MMP26: variants seen among roughly 807,000 people sequenced by gnomAD.
MMP26 encodes the protein matrix metallopeptidase 26.
Under a neutral mutation model 31.0 loss-of-function variants are expected in MMP26, and 33 were observed. That is an observed-to-expected ratio of 1.06 (90% CI 0.81 to 1.42). The LOEUF is 1.42. Ranked by LOEUF, MMP26 falls within the 40% of genes most tolerant of loss-of-function variation. MMP26 has a pLI of 0.00. For missense variants in MMP26, 347 were observed against 316.1 expected (o/e 1.10, Z -0.74); for synonymous variants, 122 against 114.9 (o/e 1.06, Z -0.40).
At chr11:4,824,834 A>G (rs980801882) in intron 2 of MMP26, among the ~76,000 whole-genome samples, 3 of 152,082 alleles carry the variant, frequency 2.0e-5, no homozygotes, top group Admixed American at 6.6e-5. Flanking sequence ...TCATGGATCA[A>G]TGCCTTCATG....
chr11:4,947,866 A>G lies in MMP26; in HGVS notation c.-144-40202A>G, dbSNP rs143273654. ...GAGGTCTTTAATTGCCTGGTATTAGATAGACATGGTAAATTATCTGCAAAA... is the reference window on the plus strand; with the variant it reads ...GAGGTCTTTAATTGCCTGGTATTAGGTAGACATGGTAAATTATCTGCAAAA... On this transcript the variant is annotated intron_variant, in intron 2 of 7. Transcript: ENST00000380390. Among the ~76,000 whole-genome samples the G allele has an allele frequency of 6.1e-4, 77 of 125,438 alleles. 12 individuals are homozygous for G. The highest frequency in any genetic ancestry group is 2.0e-3 in the African/African-American group (75 of 36,984). 82.3% of individuals were successfully genotyped at this position (125,438 alleles called of 152,430 possible).
chr11:4,812,989 A>G (rs1298202065), intron 2 of MMP26, among the ~76,000 whole-genome samples: 1 of 149,292 alleles, frequency 6.7e-6, no homozygotes, highest in African/African-American at 2.5e-5. Context: ...ATATGTATGT[A>G]TATGTGCGAG....
At chr11:4,969,103 A>G (rs963453249) in intron 2 of MMP26, among the ~76,000 whole-genome samples, 2 of 152,046 alleles carry the variant, frequency 1.3e-5, no homozygotes, top group Non-Finnish European at 2.9e-5. Flanking sequence ...AGAGAAAACT[A>G]TAACAGAAAA....
At chr11:4,926,224 C>T (rs1269901949) in intron 2 of MMP26, among the ~76,000 whole-genome samples, 5 of 148,936 alleles carry the variant, frequency 3.4e-5, no homozygotes, top group Admixed American at 3.3e-4. Flanking sequence ...AAATGAGAAG[C>T]AAAAAAAAGG....
At chr11:4,789,833 A>G (rs1848999800) in intron 2 of MMP26, among the ~76,000 whole-genome samples, 1 of 151,964 alleles carries the variant, frequency 6.6e-6, no homozygotes, top group South Asian at 2.1e-4. Context: ...GGTGTGAAGG[A>G]TATCCCTTTT....
intron 2 of MMP26, among the ~76,000 whole-genome samples, chr11:4,775,374 A>T (rs76737567): frequency 6.6e-6 from 1 of 152,064 alleles, no homozygotes; most frequent in Non-Finnish European, 1.5e-5. Flanking sequence ...TAGATATTTT[A>T]TTCTATTTGT....
In MMP26 at chr11:4,722,630, C is replaced by G. The variant is rs550330151; in HGVS notation, c.-217+17585C>G. 2.9e-4 allele frequency: 182 copies of G among 630,874 alleles called. 1 individual carries two copies. The African/African-American group carries it at 3.0e-3, about 10-fold the overall frequency. 39.1% of individuals were successfully genotyped at this position (630,874 alleles called of 1,614,324 possible). On this transcript the variant is annotated intron_variant, in intron 1 of 7. Coordinates refer to ENST00000380390, the MANE Select transcript of MMP26 (RefSeq NM_021801.5). ...GGTGGGCTGAGGGCTAGGGCTGAGC[C>G]TCAGGTGGGTCCCCTGTTCCCTGTG...
At chr11:4,763,219 G>A (rs1192403118) in intron 1 of MMP26, among the ~76,000 whole-genome samples, 3 of 152,096 alleles carry the variant, frequency 2.0e-5, no homozygotes, top group East Asian at 1.9e-4. Context: ...TATGTTAAAC[G>A]TTACCAGTTT....
intron 2 of MMP26, among the ~76,000 whole-genome samples, chr11:4,959,298 G>A (rs1214650669): frequency 6.8e-6 from 1 of 147,352 alleles, no homozygotes; most frequent in African/African-American, 2.5e-5. Context: ...CTATTACATT[G>A]CAATTTGGAA....
chr11:4,747,729 C>A (rs1399521913), intron 1 of MMP26, among the ~76,000 whole-genome samples: 1 of 151,842 alleles, frequency 6.6e-6, no homozygotes, highest in African/African-American at 2.4e-5. Flanking sequence ...TAAACTGAGA[C>A]CAAAAGTGAA....
intron 2 of MMP26, among the ~76,000 whole-genome samples, chr11:4,797,181 G>C (rs1433924): frequency 0.37 from 56,104 of 151,936 alleles, 11,446 homozygotes; most frequent in African/African-American, 0.52. Context: ...AATCAGTTGA[G>C]AAACAATTAC....
intron 2 of MMP26, among the ~76,000 whole-genome samples, chr11:4,804,806 C>CA (rs71050431): frequency 0.068 from 9,926 of 146,072 alleles, 471 homozygotes; most frequent in Middle Eastern, 0.13. Flanking sequence ...CAAAACAAAA[C>CA]AAAAAAAAAC....
At chr11:4,862,481 G>A (rs1164005064) in intron 2 of MMP26, among the ~76,000 whole-genome samples, 1 of 152,122 alleles carries the variant, frequency 6.6e-6, no homozygotes, top group Non-Finnish European at 1.5e-5. Flanking sequence ...TTCTGCAGAT[G>A]AATTAAAAAT....
At position 4,943,641 on chromosome 11, in the gene MMP26, A is replaced by T. The variant is rs182084808; in HGVS notation, c.-144-44427A>T. The stretch of plus-strand genomic sequence containing the variant: ...CACCCCCAGGTTGCAACAACCGAAG[A>T]TGTCCCCAGACATTGCCAAATGTCT... On this transcript the variant is annotated intron_variant, in intron 2 of 7. Coordinates refer to ENST00000380390, the MANE Select transcript of MMP26 (RefSeq NM_021801.5). 227 of 368,086 alleles carry T rather than the reference A, an allele frequency of 6.2e-4. 5 individuals carry two copies. The East Asian group carries it at 0.016, about 26-fold the overall frequency. The allele number at this position is 368,086 out of a possible 1,614,324, so 22.8% of individuals were successfully genotyped here.
intron 2 of MMP26, among the ~76,000 whole-genome samples, chr11:4,849,510 G>C (rs1849943251): frequency 6.6e-6 from 1 of 152,048 alleles, no homozygotes; most frequent in Non-Finnish European, 1.5e-5. Flanking sequence ...TCTCCCTGTA[G>C]TGTTATCCTA....
At chr11:4,914,057 T>C (rs1851034564) in intron 2 of MMP26, 1 of 152,238 alleles carries the variant, frequency 6.6e-6, no homozygotes, top group South Asian at 2.1e-4. Context: ...ACTGAAATTT[T>C]GGCTGAGTCA....
At chr11:4,966,247 G>A (rs765222597) in intron 2 of MMP26, among the ~76,000 whole-genome samples, 1 of 152,086 alleles carries the variant, frequency 6.6e-6, no homozygotes, top group African/African-American at 2.4e-5. Flanking sequence ...GGACTTTATA[G>A]CCAAAAACAG....
intron 2 of MMP26, among the ~76,000 whole-genome samples, chr11:4,862,108 C>T (rs1850169679): frequency 6.6e-6 from 1 of 152,164 alleles, no homozygotes; most frequent in African/African-American, 2.4e-5. Flanking sequence ...CCTAGTGAAG[C>T]TCTCCTTTAC....
At chr11:4,890,600 G>A (rs1850604767) in intron 2 of MMP26, 2 of 152,170 alleles carry the variant, frequency 1.3e-5, no homozygotes, top group Non-Finnish European at 2.9e-5. Context: ...GGTGCATGAT[G>A]AGTCCATTGA....
Sources: gnomAD v4.1 joint callset for allele counts (sites outside exome capture counted in the v4.1 genomes callset) on GRCh38, gnomAD v4.1.1 for gene constraint, MANE v1.5 for transcripts, NCBI Gene and HGNC (gene_info 2026-07-23, HGNC 2026-07-21) for gene names.